TMEM217: variants seen among roughly 807,000 people sequenced by gnomAD.
TMEM217 encodes chromosome 6 open reading frame 128.
For missense variants in TMEM217, 204 were observed against 248.8 expected, an observed-to-expected ratio of 0.82 and a Z score of 1.21; for synonymous variants, 76 against 88.3, an observed-to-expected ratio of 0.86 and a Z score of 0.78.
Position 37,228,308 on chromosome 6 carries a change from A to G in TMEM217, c.-11-9267T>C, listed in dbSNP as rs113671566. Among the ~76,000 whole-genome samples, 684 of 152,380 alleles carry G rather than the reference A, an allele frequency of 4.5e-3. 4 individuals are homozygous for G. The highest frequency in any genetic ancestry group is 0.015 in the African/African-American group (632 of 41,582). On this transcript the variant is annotated intron_variant, in intron 1 of 1. Coordinates refer to ENST00000357219, the Ensembl canonical transcript of TMEM217. ...AATTAGGACAGTGTCCACCTGCCTG[A>G]AAGTATTTGAATTCAAATTTCCTTA...
Position 37,231,482 on chromosome 6 carries a change from G to A in TMEM217, c.-11-12441C>T, listed in dbSNP as rs1043643854. Among the ~76,000 whole-genome samples, 42 of 150,254 alleles carry A rather than the reference G, an allele frequency of 2.8e-4. 1 individual carries two copies. Among genetic ancestry groups the A allele is most frequent in the African/African-American group, 8.5e-4 (35 of 41,156 alleles). ...GAGGTCAGGAGATGGAGACCATCCT[G>A]GCCAACATGGTGAAACCTCGTCTTC... is the stretch of plus-strand genomic sequence containing the variant. On this transcript the variant is annotated intron_variant, in intron 1 of 1. Coordinates refer to ENST00000357219, the Ensembl canonical transcript of TMEM217.
downstream of TMEM217, among the ~76,000 whole-genome samples, chr6:37,213,158 G>A (rs761519407): frequency 1.3e-5 from 2 of 152,202 alleles, no homozygotes; most frequent in Non-Finnish European, 2.9e-5. Flanking sequence ...CCCGTGCTCT[G>A]GCCTAACTTG....
chr6:37,234,389 C>G (rs775628290), intron 1 of TMEM217, among the ~76,000 whole-genome samples: 1 of 152,168 alleles, frequency 6.6e-6, no homozygotes, highest in Non-Finnish European at 1.5e-5. Flanking sequence ...CGTGAGCCAC[C>G]ACGCCTTGCC....
chr6:37,256,481 G>A (rs2113948456), intron 1 of TMEM217, among the ~76,000 whole-genome samples: 1 of 152,190 alleles, frequency 6.6e-6, no homozygotes, highest in Middle Eastern at 3.4e-3. Flanking sequence ...GAATAGAGGG[G>A]CTTTTTTTCT....
At chr6:37,212,632 T>C in exon 4 of TMEM217, 1 of 525,404 alleles carries the variant, frequency 1.9e-6, no homozygotes, top group Non-Finnish European at 3.7e-6. Context: ...CTTGAAGTGA[T>C]CTTTGATGAT....
chr6:37,233,071 T>G lies in TMEM217; in HGVS notation c.-11-14030A>C, dbSNP rs116541860. On this transcript the variant is annotated intron_variant, in intron 1 of 1. Transcript: ENST00000357219. ...CCAATCTGGTCTTCAGTTTGGAGCT[T>G]TAGTTGACATACTCAACGAGAATGC... Among the ~76,000 whole-genome samples, 559 of 152,312 alleles carry G rather than the reference T, an allele frequency of 3.7e-3. 3 individuals carry two copies. Among genetic ancestry groups the G allele is most frequent in the African/African-American group, 0.012 (497 of 41,564 alleles).
chr6:37,246,481 A>G (rs1562023291), intron 1 of TMEM217, among the ~76,000 whole-genome samples: 1 of 151,992 alleles, frequency 6.6e-6, no homozygotes, highest in Admixed American at 6.6e-5. Flanking sequence ...AGGGAAATAT[A>G]CTCCATCTAC....
intron 1 of TMEM217, among the ~76,000 whole-genome samples, chr6:37,235,032 T>TA (rs959633984): frequency 6.6e-6 from 1 of 152,218 alleles, no homozygotes; most frequent in East Asian, 1.9e-4. Context: ...TGTGGCTTTT[T>TA]AAAAAACACA....
chr6:37,251,571 G>A (rs1765401688), intron 1 of TMEM217, among the ~76,000 whole-genome samples: 1 of 152,198 alleles, frequency 6.6e-6, no homozygotes, highest in Admixed American at 6.5e-5. Context: ...TGAAGCATAT[G>A]TACAGTATGA....
At chr6:37,224,333 T>G (rs1201775078) in intron 1 of TMEM217, among the ~76,000 whole-genome samples, 1 of 149,420 alleles carries the variant, frequency 6.7e-6, no homozygotes, top group African/African-American at 2.4e-5. Flanking sequence ...GTGCAGTGGC[T>G]CATGCCTGTA....
chr6:37,225,173 C>T (rs141961773), intron 1 of TMEM217, among the ~76,000 whole-genome samples: 2 of 151,830 alleles, frequency 1.3e-5, no homozygotes, highest in Non-Finnish European at 2.9e-5. Flanking sequence ...GCACTCCAGC[C>T]TCGGTGACAG....
chr6:37,217,717 C>T (rs1184130030), exon 2 of TMEM217: 1 of 985,204 alleles, frequency 1.0e-6, no homozygotes, highest in Non-Finnish European at 1.2e-6. Flanking sequence ...ATAGCACAAA[C>T]CCACCCCAGG....
chr6:37,232,300 A>G (rs1023337656), intron 1 of TMEM217, among the ~76,000 whole-genome samples: 10 of 152,188 alleles, frequency 6.6e-5, no homozygotes, highest in Non-Finnish European at 1.5e-4. Flanking sequence ...TCCTGCCCAT[A>G]ATGGATTTTC....
At chr6:37,229,929 G>A (rs758661502) in intron 1 of TMEM217, among the ~76,000 whole-genome samples, 26 of 152,200 alleles carry the variant, frequency 1.7e-4, no homozygotes, top group Non-Finnish European at 2.9e-4. Flanking sequence ...AGAAATGGAG[G>A]TATCCTGGGC....
intron 1 of TMEM217, among the ~76,000 whole-genome samples, chr6:37,240,091 A>G (rs779846299): frequency 6.6e-6 from 1 of 152,180 alleles, no homozygotes; most frequent in African/African-American, 2.4e-5. Context: ...GACTTTTTAA[A>G]GCCTTTAAGT....
intron 1 of TMEM217, among the ~76,000 whole-genome samples, chr6:37,240,062 C>A (rs1234639645): frequency 1.3e-5 from 2 of 152,058 alleles, no homozygotes; most frequent in Non-Finnish European, 2.9e-5. Flanking sequence ...TAAGAAGAGG[C>A]GAGACAGAAA....
chr6:37,249,283 G>A (rs1765260339), intron 1 of TMEM217, among the ~76,000 whole-genome samples: 1 of 152,136 alleles, frequency 6.6e-6, no homozygotes, highest in Non-Finnish European at 1.5e-5. Flanking sequence ...TAGAAAGGAA[G>A]AAATGAATAT....
chr6:37,248,963 G>C (rs1172324429), intron 1 of TMEM217, among the ~76,000 whole-genome samples: 1 of 152,134 alleles, frequency 6.6e-6, no homozygotes, highest in East Asian at 1.9e-4. Flanking sequence ...GGTTCTGGTG[G>C]CTCCAGGTAT....
At chr6:37,218,427 T>G in exon 2 of TMEM217, 2 of 1,598,792 alleles carry the variant, frequency 1.3e-6, no homozygotes, top group East Asian at 4.5e-5. Context: ...TCCACCTACC[T>G]CTGCCTCTCA....
Sources: allele counts gnomAD v4.1 joint callset (sites outside exome capture counted in the v4.1 genomes callset), GRCh38; gene constraint gnomAD v4.1.1; transcripts MANE v1.5; gene names NCBI Gene and HGNC (gene_info 2026-07-23, HGNC 2026-07-21).